Variants in CARF observed in about 807,000 individuals in gnomAD.
The protein encoded by CARF is calcium responsive transcription factor.
In CARF, 57 loss-of-function variants were observed where a neutral mutation model predicts 82.0. That is an observed-to-expected ratio of 0.70 (90% CI 0.56 to 0.87). The LOEUF is 0.87. Among genes scored for constraint, CARF ranks in the 40% least tolerant of loss-of-function variants. CARF has a pLI of 0.00. For synonymous variants in CARF, 268 were observed against 290.1 expected (o/e 0.92, Z 0.77); for missense variants, 771 against 855.8 (o/e 0.90, Z 1.24).
intron 1 of CARF, among the ~76,000 whole-genome samples, chr2:202,915,993 G>T (rs568160207): frequency 2.6e-4 from 39 of 151,980 alleles, no homozygotes; most frequent in Non-Finnish European, 3.8e-4. Context: ...TTTAAAAACT[G>T]ATTCTTAAAA....
In CARF at chr2:202,912,807, C is replaced by G. The variant is rs943596796; in HGVS notation, c.-625C>G. ...GTCCCTCACGCCGTCCCGCACCTTG[C>G]TTTTTAGGGTTCTTTTTCCGCTTTC... is the stretch of plus-strand genomic sequence containing the variant. On this transcript the variant is annotated 5_prime_UTR_variant, in exon 1 of 17. Transcript: ENST00000438828. 6.6e-6 allele frequency: 1 copy of G among 151,796 alleles called. No individual in the cohort carries two copies. The highest frequency in any genetic ancestry group is 2.4e-5 in the African/African-American group (1 of 41,358). 9.4% of individuals were successfully genotyped at this position (151,796 alleles called of 1,614,324 possible).
intron 11 of CARF, 42 bp from the exon 12 acceptor site, chr2:202,971,463 A>C: frequency 8.4e-7 from 1 of 1,192,788 alleles, no homozygotes; most frequent in South Asian, 1.4e-5. Flanking sequence ...AAATAATTTT[A>C]ATGTTTAAAT....
intron 9 of CARF, among the ~76,000 whole-genome samples, chr2:202,963,538 G>C (rs945876123): frequency 1.3e-5 from 2 of 152,166 alleles, no homozygotes; most frequent in African/African-American, 4.8e-5. Context: ...ACCAGGATGG[G>C]GGATGGGGGA....
In CARF at chr2:202,917,922, A is replaced by G; in HGVS notation, c.-284A>G. On this transcript the variant is annotated 5_prime_UTR_variant, in exon 2 of 17. Coordinates refer to ENST00000438828, the MANE Select transcript of CARF (RefSeq NM_024744.17). The stretch of plus-strand genomic sequence containing the variant: ...CCCAATTAAAGCTTTCACATAAATG[A>G]AGCTACAGCTATCATGATTTAGTGC... 1 of 360,100 alleles carries G rather than the reference A, an allele frequency of 2.8e-6. No homozygotes were observed. Among genetic ancestry groups the G allele is most frequent in the Non-Finnish European group, 5.4e-6 (1 of 184,690 alleles). 22.3% of individuals were successfully genotyped at this position (360,100 alleles called of 1,614,324 possible).
chr2:202,982,625 A>G (rs1180233982), intron 16 of CARF, among the ~76,000 whole-genome samples, 184 bp downstream of exon 16: 1 of 152,010 alleles, frequency 6.6e-6, no homozygotes, highest in African/African-American at 2.4e-5. Flanking sequence ...TTAACCTTAA[A>G]TTTTCTTCTT....
At chr2:202,966,002 CT>C (rs1408073042) in intron 9 of CARF, among the ~76,000 whole-genome samples, 1 of 152,320 alleles carries the variant, frequency 6.6e-6, no homozygotes, top group Admixed American at 6.5e-5. Context: ...CAGATTCACT[CT>C]TGTGGCTGTC....
chr2:202,941,839 C>A, intron 3 of CARF, 21 bp from the exon 4 acceptor site: 1 of 1,276,418 alleles, frequency 7.8e-7, no homozygotes, highest in African/African-American at 1.5e-5. Flanking sequence ...TTTAGTTGAT[C>A]AGCTATTTAA....
At chr2:202,929,036 T>C (rs1216332553) in intron 3 of CARF, among the ~76,000 whole-genome samples, 1 of 152,156 alleles carries the variant, frequency 6.6e-6, no homozygotes, top group Admixed American at 6.6e-5. Flanking sequence ...GGCCTGTATA[T>C]CTTCTTTTGA....
At chr2:202,958,494 C>T (rs1365345574) in intron 8 of CARF, among the ~76,000 whole-genome samples, 3 of 152,078 alleles carry the variant, frequency 2.0e-5, no homozygotes, top group Non-Finnish European at 2.9e-5. Flanking sequence ...CTAAAATCAT[C>T]GTATATCTTG....
intron 13 of CARF, among the ~76,000 whole-genome samples, chr2:202,975,442 T>TAAAAAAAG (rs2059985823): frequency 6.7e-6 from 1 of 149,892 alleles, no homozygotes; most frequent in African/African-American, 2.5e-5. Flanking sequence ...AGACTCCGTC[T>TAAAAAAAG]AAAAAAAGAA....
intron 3 of CARF, among the ~76,000 whole-genome samples, chr2:202,928,220 C>A (rs1692230194): frequency 1.3e-5 from 2 of 152,174 alleles, no homozygotes; most frequent in Admixed American, 1.3e-4. Flanking sequence ...TGAGAACATG[C>A]AGTATTTGTC....
intron 3 of CARF, chr2:202,938,395 G>T (rs1694283564): frequency 6.6e-6 from 1 of 152,060 alleles, no homozygotes; most frequent in Non-Finnish European, 1.5e-5. Context: ...TCTGGTTACA[G>T]GTATGCACCA....
chr2:202,936,785 G>C (rs755048774), intron 3 of CARF, among the ~76,000 whole-genome samples: 6 of 152,024 alleles, frequency 3.9e-5, no homozygotes, highest in East Asian at 1.9e-4. Flanking sequence ...GGTGACCTTT[G>C]TACAAAAATT....
intron 3 of CARF, among the ~76,000 whole-genome samples, chr2:202,927,067 C>T (rs757381094): frequency 6.6e-5 from 10 of 152,146 alleles, no homozygotes; most frequent in East Asian, 3.8e-4. Context: ...GTGCCCATCT[C>T]GGCTTCCCAA....
chr2:202,925,030 G>A, intron 3 of CARF: 1 of 406,998 alleles, frequency 2.5e-6, no homozygotes. Context: ...GCAGCAAAAA[G>A]TAGCTTGGAG....
intron 16 of CARF, among the ~76,000 whole-genome samples, chr2:202,983,268 A>T (rs2060340166): frequency 6.6e-6 from 1 of 152,146 alleles, no homozygotes; most frequent in Non-Finnish European, 1.5e-5. Context: ...TCTTACCTTC[A>T]CTTTATTACT....
chr2:202,917,558 A>C (rs999685775), intron 1 of CARF, among the ~76,000 whole-genome samples: 1 of 152,202 alleles, frequency 6.6e-6, no homozygotes, highest in African/African-American at 2.4e-5. Context: ...CCTAATAGTA[A>C]GTATTTTCAT....
chr2:202,941,754 A>G, intron 3 of CARF, 106 bp from the exon 4 acceptor site: 2 of 523,512 alleles, frequency 3.8e-6, no homozygotes, highest in Non-Finnish European at 6.9e-6. Flanking sequence ...ATTTTACCTA[A>G]ATTATATAGG....
At position 202,912,528 on chromosome 2, in the gene CARF, C is replaced by T. The variant is rs1364261747; in HGVS notation, c.-904C>T. On this transcript the variant is annotated 5_prime_UTR_variant, in exon 1 of 17. Coordinates refer to ENST00000438828, the MANE Select transcript of CARF (RefSeq NM_024744.17). The stretch of plus-strand genomic sequence containing the variant: ...CGTCACCTCCTGACCCGCCGGAGCT[C>T]CGAGCAACTGCCGGCCTCCGCCCCC... 2 of 150,654 alleles carry T rather than the reference C, an allele frequency of 1.3e-5. No homozygotes were observed. Among genetic ancestry groups the T allele is most frequent in the South Asian group, 2.1e-4 (1 of 4,732 alleles). 9.3% of individuals were successfully genotyped at this position (150,654 alleles called of 1,614,324 possible).
Sources: allele counts gnomAD v4.1 joint callset (sites outside exome capture counted in the v4.1 genomes callset), GRCh38; gene constraint gnomAD v4.1.1; transcripts MANE v1.5; gene names NCBI Gene and HGNC (gene_info 2026-07-23, HGNC 2026-07-21).